PRKN: variants seen among roughly 807,000 people sequenced by gnomAD.
The protein encoded by PRKN is E3 ubiquitin-protein ligase parkin.
PRKN carries 56 observed loss-of-function variants against 59.5 expected under a neutral mutation model. That is an observed-to-expected ratio of 0.94 (90% CI 0.76 to 1.18). The LOEUF is 1.18. Ranked by LOEUF, PRKN falls within the 50% of genes most tolerant of loss-of-function variation. The pLI is 0.00. For missense variants in PRKN, 657 were observed against 596.4 expected (o/e 1.10, Z -1.06); for synonymous variants, 250 against 222.1 (o/e 1.13, Z -1.12).
At chr6:162,059,828 G>A (rs1407417995) in intron 4 of PRKN, among the ~76,000 whole-genome samples, 2 of 152,094 alleles carry the variant, frequency 1.3e-5, no homozygotes, top group Admixed American at 1.3e-4. Flanking sequence ...AGGAAACCAT[G>A]GGCTGCTGGC....
chr6:161,486,387 T>C (rs6939489), intron 9 of PRKN, among the ~76,000 whole-genome samples: 11,597 of 152,250 alleles, frequency 0.076, 597 homozygotes, highest in African/African-American at 0.14. Flanking sequence ...AAATAGTCTA[T>C]GATATATTTA....
At chr6:161,642,756 G>C (rs1297367534) in intron 7 of PRKN, among the ~76,000 whole-genome samples, 1 of 152,214 alleles carries the variant, frequency 6.6e-6, no homozygotes, top group African/African-American at 2.4e-5. Flanking sequence ...TTTCTGGTGA[G>C]AAGAGAGGCA....
chr6:161,632,542 A>G (rs1367119158), intron 7 of PRKN, among the ~76,000 whole-genome samples: 3 of 152,210 alleles, frequency 2.0e-5, no homozygotes, highest in African/African-American at 7.2e-5. Context: ...GAAATAATAG[A>G]AGTCAAAATA....
intron 2 of PRKN, among the ~76,000 whole-genome samples, chr6:162,379,986 G>A (rs142223608): frequency 1.1e-3 from 168 of 152,184 alleles, no homozygotes; most frequent in South Asian, 7.0e-3. Flanking sequence ...GAAACCCTGC[G>A]GGACTCACTT....
intron 1 of PRKN, among the ~76,000 whole-genome samples, chr6:162,615,330 T>C (rs1461525121): frequency 6.6e-6 from 1 of 152,194 alleles, no homozygotes; most frequent in African/African-American, 2.4e-5. Context: ...ATATTATAAA[T>C]GTTATACTGG....
At chr6:162,445,114 C>A (rs746687915) in intron 1 of PRKN, among the ~76,000 whole-genome samples, 1 of 152,066 alleles carries the variant, frequency 6.6e-6, no homozygotes, top group Non-Finnish European at 1.5e-5. Flanking sequence ...CCCACCTCAT[C>A]ATAATTATAA....
chr6:161,834,007 T>C (rs1272972467), intron 6 of PRKN, among the ~76,000 whole-genome samples: 2 of 152,114 alleles, frequency 1.3e-5, no homozygotes, highest in Non-Finnish European at 2.9e-5. Flanking sequence ...ACTCTGGACT[T>C]TTTAATTGAT....
intron 6 of PRKN, among the ~76,000 whole-genome samples, chr6:161,873,359 T>C (rs894843791): frequency 2.0e-5 from 3 of 151,944 alleles, no homozygotes; most frequent in African/African-American, 7.3e-5. Context: ...AGTTATACTG[T>C]GGCGTGTTTG....
chr6:162,486,771 A>C (rs1242042714), intron 1 of PRKN, among the ~76,000 whole-genome samples: 2 of 152,138 alleles, frequency 1.3e-5, no homozygotes, highest in Non-Finnish European at 2.9e-5. Flanking sequence ...CAGTACTCTC[A>C]TATAAAAGTA....
chr6:161,946,451 C>CTCTCTA (rs1554253070), intron 6 of PRKN, among the ~76,000 whole-genome samples: 1 of 136,560 alleles, frequency 7.3e-6, no homozygotes, highest in African/African-American at 2.7e-5. Flanking sequence ...CTCTCTCTCT[C>CTCTCTA]AATACAAAAG....
At chr6:162,506,822 C>T (rs1233910469) in intron 1 of PRKN, among the ~76,000 whole-genome samples, 1 of 152,120 alleles carries the variant, frequency 6.6e-6, no homozygotes, top group Non-Finnish European at 1.5e-5. Context: ...TGCCTTCATG[C>T]CCTTAAGCGC....
In PRKN at chr6:161,870,205, T is replaced by C. The variant is rs570646340; in HGVS notation, c.735-84297A>G. On this transcript the variant is annotated intron_variant, in intron 6 of 11. Transcript: ENST00000366898. Reference sequence around the variant, plus strand: ...AAGTACGTTTCCTAATATTAAGATATTGGGCTGTTCTCAGAGTGCCTACAA... The same window carrying C: ...AAGTACGTTTCCTAATATTAAGATACTGGGCTGTTCTCAGAGTGCCTACAA... Among the ~76,000 whole-genome samples the C allele has an allele frequency of 2.0e-5, 3 of 152,232 alleles. No individual in the cohort carries two copies. In the South Asian group the frequency reaches 6.2e-4, roughly 32 times the overall value.
At chr6:161,514,996 CA>C (rs2115341807) in intron 9 of PRKN, among the ~76,000 whole-genome samples, 1 of 152,016 alleles carries the variant, frequency 6.6e-6, no homozygotes, top group African/African-American at 2.4e-5. Flanking sequence ...AAAGATGGGC[CA>C]GGGGGAATAT....
At chr6:162,006,462 C>G (rs1417190563) in intron 5 of PRKN, among the ~76,000 whole-genome samples, 4 of 152,128 alleles carry the variant, frequency 2.6e-5, no homozygotes, top group Non-Finnish European at 4.4e-5. Context: ...CATATTCTTC[C>G]CCTACTGACT....
intron 3 of PRKN, among the ~76,000 whole-genome samples, chr6:162,213,271 T>C (rs1188509294): frequency 1.3e-5 from 2 of 152,144 alleles, no homozygotes; most frequent in East Asian, 1.9e-4. Flanking sequence ...GGAAATCTCA[T>C]GGACTCAACA....
chr6:162,496,477 A>G (rs1178606023), intron 1 of PRKN, among the ~76,000 whole-genome samples: 1 of 152,160 alleles, frequency 6.6e-6, no homozygotes, highest in African/African-American at 2.4e-5. Flanking sequence ...CTTACATGGA[A>G]AAAAAGTCCT....
chr6:162,380,454 TACACAC>T (rs1554309889), intron 2 of PRKN, among the ~76,000 whole-genome samples: 2 of 86,280 alleles, frequency 2.3e-5, no homozygotes, highest in South Asian at 7.7e-4. Context: ...TATGTATATA[TACACAC>T]ATATATATGT....
chr6:162,110,792 C>T (rs1156831299), intron 4 of PRKN, among the ~76,000 whole-genome samples: 2 of 152,130 alleles, frequency 1.3e-5, no homozygotes, highest in Non-Finnish European at 1.5e-5. Context: ...GATGAGCTGG[C>T]GTTCTGTGTT....
At chr6:161,422,643 T>C (rs1166325093) in intron 9 of PRKN, among the ~76,000 whole-genome samples, 1 of 150,704 alleles carries the variant, frequency 6.6e-6, no homozygotes, top group Non-Finnish European at 1.5e-5. Context: ...GCTGAAAGAA[T>C]TATGAAGAAG....
Sources: allele counts gnomAD v4.1 joint callset (sites outside exome capture counted in the v4.1 genomes callset), GRCh38; gene constraint gnomAD v4.1.1; transcripts MANE v1.5; gene names NCBI Gene and HGNC (gene_info 2026-07-23, HGNC 2026-07-21).